RELN: variants seen among roughly 807,000 people sequenced by gnomAD.
RELN encodes the protein reelin.
A neutral mutation model predicts 427.6 loss-of-function variants in RELN; 108 were observed. That is an observed-to-expected ratio of 0.25 (90% CI 0.22 to 0.30). The LOEUF (loss-of-function observed/expected upper bound fraction) is 0.30. Among genes scored for constraint, RELN ranks in the 10% least tolerant of loss-of-function variants. RELN has a pLI of 1.00. For missense variants in RELN, 3,715 were observed against 4,302.8 expected (o/e 0.86, Z 3.82); for synonymous variants, 1,524 against 1,513.4 (o/e 1.01, Z -0.16).
intron 61 of RELN, 76 bp downstream of exon 61, chr7:103,486,121 T>A (rs1828431073): frequency 1.5e-6 from 2 of 1,377,022 alleles, no homozygotes; most frequent in Admixed American, 3.4e-5. Flanking sequence ...TTCACAATCC[T>A]ATCTAACAGA....
chr7:103,503,893 T>TAAAAAAAAAAAAAAAAAAAAAAAAAAAAA (rs71154347), intron 51 of RELN, among the ~76,000 whole-genome samples: 1 of 96,608 alleles, frequency 1.0e-5, no homozygotes, highest in Non-Finnish European at 2.2e-5. Context: ...AATGTTCTTG[T>TAAAAAAAAAAAAAAAAAAAAAAAAAAAAA]AAAAAAAAAA....
At chr7:103,978,486 A>G (rs1796926583) in intron 1 of RELN, among the ~76,000 whole-genome samples, 1 of 152,190 alleles carries the variant, frequency 6.6e-6, no homozygotes, top group Non-Finnish European at 1.5e-5. Context: ...AGTATTTCCT[A>G]TTCTTAAATA....
intron 6 of RELN, among the ~76,000 whole-genome samples, chr7:103,733,426 C>A (rs917439190): frequency 2.3e-5 from 3 of 133,280 alleles, no homozygotes; most frequent in South Asian, 2.4e-4. Flanking sequence ...TTGACCCAGC[C>A]ATCCCATTAC....
chr7:103,856,601 GAA>G, intron 2 of RELN, among the ~76,000 whole-genome samples: 1 of 138,514 alleles, frequency 7.2e-6, no homozygotes, highest in Admixed American at 7.4e-5. Context: ...AAGAAAGAAA[GAA>G]AAAAGCAAAT....
chr7:103,677,643 G>A lies in RELN; in HGVS notation c.1289+4473C>T, dbSNP rs544428282. Reference sequence around the variant, plus strand: ...TAGCTGGGCGTGGCGGTACGTGCCTGTAATCTCAGCTACTGGGGAGGCTGA... The same window carrying A: ...TAGCTGGGCGTGGCGGTACGTGCCTATAATCTCAGCTACTGGGGAGGCTGA... On this transcript the variant is annotated intron_variant, in intron 11 of 64. Coordinates refer to ENST00000428762, the MANE Select transcript of RELN (RefSeq NM_005045.4). Among the ~76,000 whole-genome samples, 14 of 150,268 alleles carry A rather than the reference G, an allele frequency of 9.3e-5. No individual in the cohort carries two copies. The South Asian group carries it at 2.9e-3, about 32-fold the overall frequency.
chr7:103,635,384 T>G, intron 19 of RELN, 41 bp downstream of exon 19: 1 of 1,602,688 alleles, frequency 6.2e-7, no homozygotes, highest in South Asian at 1.1e-5. Flanking sequence ...CAGGAGAAGA[T>G]TTCACTCTAC....
chr7:103,472,958 T>TGTAA (rs1827906175), intron 64 of RELN, 50 bp from the exon 65 acceptor site: 7 of 1,383,616 alleles, frequency 5.1e-6, no homozygotes, highest in African/African-American at 2.8e-5. Flanking sequence ...AAAAAGAGCA[T>TGTAA]GTAAGTCCCA....
chr7:103,633,674 G>C (rs1832518600), intron 19 of RELN, among the ~76,000 whole-genome samples: 1 of 152,086 alleles, frequency 6.6e-6, no homozygotes. Context: ...CACATTAAAT[G>C]TGTAATTATT....
chr7:103,869,159 T>A (rs1045652540), intron 2 of RELN, among the ~76,000 whole-genome samples: 1 of 152,056 alleles, frequency 6.6e-6, no homozygotes, highest in African/African-American at 2.4e-5. Flanking sequence ...AGTTTCAAGT[T>A]GTAAAGTAAG....
rs769654805 is a variant in RELN, at chr7:103,589,694, T to G, written c.4047A>C (p.Gly1349=). Residue 1349 remains glycine, a synonymous_variant, in exon 28 of 65, where the codon GGA becomes GGC. Transcript: ENST00000428762. ...YPASAGKGCE[G]NSRELSEPTM... ...TGGGCTCACTTAGTTCTCTGGAGTT[T>G]CCTTCGCATCCTTTGCCTGCAGAAG... 6.2e-6 allele frequency: 10 copies of G among 1,613,990 alleles called. No individual in the cohort carries two copies. In the East Asian group the frequency reaches 1.8e-4, roughly 29 times the overall value.
chr7:103,588,364 C>G (rs1584321393), intron 28 of RELN, among the ~76,000 whole-genome samples: 1 of 152,066 alleles, frequency 6.6e-6, no homozygotes, highest in East Asian at 1.9e-4. Flanking sequence ...ACTGGAAAGA[C>G]AGATAACAGA....
At chr7:103,713,696 A>G (rs1789861992) in intron 8 of RELN, among the ~76,000 whole-genome samples, 1 of 149,208 alleles carries the variant, frequency 6.7e-6, no homozygotes, top group South Asian at 2.1e-4. Flanking sequence ...GTGAATTTTG[A>G]GGTCAGTATT....
At position 103,589,730 on chromosome 7, in the gene RELN, G is replaced by T; in HGVS notation, c.4011C>A (p.Gly1337=). ...CTTTGCCTGCAGAAGCCGGGTAACA[G>T]CCTTCTTTCACCAGAAACCAGGACA... ...AGMSWFLVKE[G]CYPASAGKGC... The change falls in exon 28 of 65, where the codon GGC becomes GGA. Residue 1337 remains glycine, a synonymous_variant. Coordinates refer to ENST00000428762, the MANE Select transcript of RELN (RefSeq NM_005045.4). 6.2e-7 allele frequency: 1 copy of T among 1,613,676 alleles called. No individual in the cohort carries two copies. Among genetic ancestry groups the T allele is most frequent in the African/African-American group, 1.3e-5 (1 of 75,040 alleles).
intron 11 of RELN, among the ~76,000 whole-genome samples, chr7:103,675,950 G>A (rs1833510730): frequency 6.6e-6 from 1 of 152,078 alleles, no homozygotes; most frequent in Non-Finnish European, 1.5e-5. Context: ...AGAAAACCTA[G>A]GCAATACCAT....
At chr7:103,726,566 T>A (rs1790216843) in intron 7 of RELN, among the ~76,000 whole-genome samples, 1 of 152,128 alleles carries the variant, frequency 6.6e-6, no homozygotes, top group Non-Finnish European at 1.5e-5. Flanking sequence ...GGACTAAACA[T>A]ACATAGGATT....
chr7:103,637,202 A>G (rs1832601588), intron 17 of RELN, among the ~76,000 whole-genome samples: 1 of 152,242 alleles, frequency 6.6e-6, no homozygotes, highest in South Asian at 2.1e-4. Context: ...TGAATCAGCA[A>G]TGGAAACATC....
At chr7:103,708,630 A>AT (rs1373324666) in intron 8 of RELN, among the ~76,000 whole-genome samples, 2 of 151,486 alleles carry the variant, frequency 1.3e-5, no homozygotes, top group Admixed American at 1.3e-4. Context: ...CGCCCGGCTA[A>AT]TTTTTTGTAT....
chr7:103,611,574 G>A (rs1831957963), intron 21 of RELN, 37 bp downstream of exon 21: 2 of 1,533,860 alleles, frequency 1.3e-6, no homozygotes, highest in Admixed American at 3.4e-5. Context: ...AAAGGCAGAA[G>A]GTTACCTGTT....
intron 8 of RELN, among the ~76,000 whole-genome samples, chr7:103,714,034 A>G (rs970847330): frequency 6.6e-6 from 1 of 152,182 alleles, no homozygotes; most frequent in Non-Finnish European, 1.5e-5. Context: ...ACTCATGAAC[A>G]GTATCTAAAA....
Sources: gnomAD v4.1 joint callset for allele counts (sites outside exome capture counted in the v4.1 genomes callset) on GRCh38, gnomAD v4.1.1 for gene constraint, MANE v1.5 for transcripts, NCBI Gene and HGNC (gene_info 2026-07-23, HGNC 2026-07-21) for gene names.